The following TANC2 variants were observed in gnomAD, a reference collection of about 807,000 sequenced individuals.
The protein encoded by TANC2 is protein TANC2.
In TANC2, 26 loss-of-function variants were observed where a neutral mutation model predicts 210.5. The ratio of observed to expected loss-of-function variants is 0.12; its 90% CI spans 0.09 to 0.17. The LOEUF is 0.17. Among genes scored for constraint, TANC2 ranks in the 10% least tolerant of loss-of-function variants. The pLI is 1.00. For missense variants in TANC2, 2,129 were observed against 2,608.9 expected (o/e 0.82, Z 4.01); for synonymous variants, 931 against 967.1 (o/e 0.96, Z 0.69).
intron 7 of TANC2, among the ~76,000 whole-genome samples, chr17:63,211,536 T>C (rs2041884710): frequency 6.6e-6 from 1 of 152,102 alleles, no homozygotes; most frequent in Admixed American, 6.6e-5. Context: ...TGAGAAGTGT[T>C]CTGTCACCAC....
At chr17:63,409,775 T>C (rs2048632843) in intron 21 of TANC2, among the ~76,000 whole-genome samples, 1 of 152,212 alleles carries the variant, frequency 6.6e-6, no homozygotes, top group Non-Finnish European at 1.5e-5. Context: ...TAGCTAAACA[T>C]ATCTAACCAT....
intron 25 of TANC2, among the ~76,000 whole-genome samples, chr17:63,414,820 T>C (rs560517764): frequency 6.5e-4 from 99 of 152,330 alleles, no homozygotes; most frequent in African/African-American, 2.3e-3. Flanking sequence ...GATTTTCAGA[T>C]ACAAAGTGGA....
At chr17:63,043,358 T>C (rs892231693) in intron 2 of TANC2, among the ~76,000 whole-genome samples, 1 of 152,052 alleles carries the variant, frequency 6.6e-6, no homozygotes, top group African/African-American at 2.4e-5. Context: ...CACACACACA[T>C]ATACGCATAT....
chr17:63,256,277 A>G (rs948897831), intron 8 of TANC2, among the ~76,000 whole-genome samples: 5 of 152,098 alleles, frequency 3.3e-5, no homozygotes, highest in African/African-American at 1.2e-4. Context: ...TGTATCCTAT[A>G]GGTGTTCCAT....
exon 13 of TANC2, chr17:63,351,341 A>G: frequency 6.2e-7 from 1 of 1,611,180 alleles, no homozygotes. Context: ...ATACAATTGT[A>G]TCGTTTCTGA....
At chr17:63,273,316 A>G (rs1027819434) in intron 9 of TANC2, among the ~76,000 whole-genome samples, 16 of 152,266 alleles carry the variant, frequency 1.1e-4, no homozygotes, top group Non-Finnish European at 2.1e-4. Context: ...TATTGAGCTT[A>G]TATTTATATG....
chr17:63,255,560 A>G (rs2043169865), intron 8 of TANC2, among the ~76,000 whole-genome samples: 1 of 151,996 alleles, frequency 6.6e-6, no homozygotes, highest in Non-Finnish European at 1.5e-5. Context: ...TATGTTGAGG[A>G]ATTTATCCAT....
At chr17:63,234,209 T>A (rs2146026882) in intron 7 of TANC2, among the ~76,000 whole-genome samples, 1 of 152,256 alleles carries the variant, frequency 6.6e-6, no homozygotes, top group South Asian at 2.1e-4. Context: ...TAAAGCCTTT[T>A]CCACATTAAG....
At chr17:63,107,611 TAAAA>T (rs1441395386) in intron 4 of TANC2, among the ~76,000 whole-genome samples, 1 of 151,660 alleles carries the variant, frequency 6.6e-6, no homozygotes, top group African/African-American at 2.4e-5. Context: ...AGTGGATAAA[TAAAA>T]AGTGATATAT....
chr17:63,025,811 TAAAATTAAATTAAAATAAAA>T (rs1568327203), intron 2 of TANC2, among the ~76,000 whole-genome samples: 1 of 119,610 alleles, frequency 8.4e-6, no homozygotes, highest in African/African-American at 4.0e-5. Flanking sequence ...TAAAATAAAA[TAAAATTAAATTAAAATAAAA>T]TAAAATAAAA....
chr17:63,425,849 C>G (rs2049130347), exon 28 of TANC2: 1 of 152,248 alleles, frequency 6.6e-6, no homozygotes, highest in African/African-American at 2.4e-5. Flanking sequence ...ATGGAGAAGC[C>G]CCTTCTTCCC....
intron 4 of TANC2, among the ~76,000 whole-genome samples, chr17:63,142,931 C>T (rs193266433): frequency 6.6e-6 from 1 of 152,234 alleles, no homozygotes; most frequent in Non-Finnish European, 1.5e-5. Context: ...TTTCATGGCA[C>T]TTGGCTTTCT....
chr17:63,006,975 C>T (rs1027415620), intron 1 of TANC2, among the ~76,000 whole-genome samples: 3 of 151,972 alleles, frequency 2.0e-5, no homozygotes, highest in Non-Finnish European at 4.4e-5. Context: ...CCTGTATTCT[C>T]AGCACTTTGG....
chr17:63,343,129 A>G (rs1391958856), intron 12 of TANC2, among the ~76,000 whole-genome samples: 1 of 152,248 alleles, frequency 6.6e-6, no homozygotes, highest in Admixed American at 6.5e-5. Flanking sequence ...AATATCAACA[A>G]TTACATTACA....
rs927587667 is a variant in TANC2 at position 63,251,517 on chromosome 17, G to T, written c.1033+13440G>T. 2.0e-5 allele frequency among the ~76,000 whole-genome samples: 3 copies of T among 152,008 alleles called. No individual in the cohort carries two copies. In the East Asian group the frequency reaches 5.8e-4, roughly 29 times the overall value. On this transcript the variant is annotated intron_variant, in intron 8 of 27. Transcript: ENST00000689528. ...TTAAATAATCTATTTGAAAGGAGAAGAATTTTGAAAATGATGAAGCAAAGA... is the reference window on the plus strand; with the variant it reads ...TTAAATAATCTATTTGAAAGGAGAATAATTTTGAAAATGATGAAGCAAAGA...
chr17:63,250,710 A>G (rs1476664061), intron 8 of TANC2, among the ~76,000 whole-genome samples: 1 of 152,216 alleles, frequency 6.6e-6, no homozygotes, highest in African/African-American at 2.4e-5. Context: ...GGCACTGTTC[A>G]AAGCACTTAA....
At chr17:63,327,713 ATG>A (rs2045694664) in intron 11 of TANC2, among the ~76,000 whole-genome samples, 2 of 152,182 alleles carry the variant, frequency 1.3e-5, no homozygotes, top group South Asian at 4.1e-4. Context: ...GATAAAGAAA[ATG>A]TGGTACATAT....
chr17:63,206,839 C>T (rs936035827), intron 7 of TANC2, among the ~76,000 whole-genome samples: 3 of 152,030 alleles, frequency 2.0e-5, no homozygotes, highest in African/African-American at 7.3e-5. Context: ...CTTAGTGCCC[C>T]TGAATTATAC....
Position 63,162,040 on chromosome 17 carries a change from C to T in TANC2, c.433+10660C>T, listed in dbSNP as rs532320519. Among the ~76,000 whole-genome samples the T allele has an allele frequency of 3.2e-4, 48 of 152,296 alleles. 1 individual carries two copies. The East Asian group carries it at 6.9e-3, about 22-fold the overall frequency. ...TGATTGCAGGCTGGGCGCGGTGGCT[C>T]ATGCTTGTAATTGCAGCACTTTGGG... On this transcript the variant is annotated intron_variant, in intron 5 of 27. Coordinates refer to ENST00000689528, the Ensembl canonical transcript of TANC2.
Sources: allele counts gnomAD v4.1 joint callset (sites outside exome capture counted in the v4.1 genomes callset), GRCh38; gene constraint gnomAD v4.1.1; transcripts MANE v1.5; gene names NCBI Gene and HGNC (gene_info 2026-07-23, HGNC 2026-07-21).